Variants in PTPRT observed in about 807,000 individuals in gnomAD.
PTPRT encodes the protein protein tyrosine phosphatase receptor type T, also known as receptor-type tyrosine-protein phosphatase T.
PTPRT carries 56 observed loss-of-function variants against 176.8 expected under a neutral mutation model. That is an observed-to-expected ratio of 0.32 (90% CI 0.26 to 0.40). The LOEUF (loss-of-function observed/expected upper bound fraction) is 0.40, where lower values mean the gene tolerates loss of function less well. Among genes scored for constraint, PTPRT ranks in the 10% least tolerant of loss-of-function variants. The probability of loss-of-function intolerance (pLI) is 1.00; values close to 1 mark genes in which losing one functional copy is unlikely to be tolerated. For synonymous variants in PTPRT, 783 were observed against 739.0 expected (o/e 1.06, Z -0.96); for missense variants, 1,540 against 1,908.2 (o/e 0.81, Z 3.60).
intron 13 of PTPRT, among the ~76,000 whole-genome samples, chr20:42,253,349 A>G (rs1229470610): frequency 6.6e-6 from 1 of 152,182 alleles, no homozygotes; most frequent in African/African-American, 2.4e-5. Flanking sequence ...CAGTGGCCCC[A>G]AAATCGAAAG....
At chr20:42,852,392 G>T (rs2078489276) in intron 2 of PTPRT, among the ~76,000 whole-genome samples, 2 of 152,042 alleles carry the variant, frequency 1.3e-5, no homozygotes, top group African/African-American at 2.4e-5. Context: ...GTCCTGTTAT[G>T]ATTGGGTTTT....
intron 2 of PTPRT, among the ~76,000 whole-genome samples, chr20:42,813,724 G>T (rs1046978674): frequency 6.6e-6 from 1 of 152,140 alleles, no homozygotes; most frequent in Non-Finnish European, 1.5e-5. Context: ...CAGTGAGAAG[G>T]AAGGAGAGAG....
intron 9 of PTPRT, among the ~76,000 whole-genome samples, chr20:42,425,679 T>C (rs186312115): frequency 3.3e-5 from 5 of 152,362 alleles, no homozygotes; most frequent in Admixed American, 1.3e-4. Context: ...ATTAGATTGA[T>C]TGTGGTAATC....
At chr20:42,821,822 G>C (rs533959462) in intron 2 of PTPRT, among the ~76,000 whole-genome samples, 1 of 152,078 alleles carries the variant, frequency 6.6e-6, no homozygotes, top group Non-Finnish European at 1.5e-5. Flanking sequence ...TTGCTACAAA[G>C]ATAATAAAAC....
At chr20:42,511,145 CCT>C (rs2071948076) in intron 7 of PTPRT, among the ~76,000 whole-genome samples, 1 of 152,094 alleles carries the variant, frequency 6.6e-6, no homozygotes, top group Non-Finnish European at 1.5e-5. Flanking sequence ...CTAAAGGAGT[CCT>C]CACCAATAAG....
Position 42,783,517 on chromosome 20 carries a change from A to G in PTPRT, c.487-3218T>C, listed in dbSNP as rs902113089. ...ACTGAGTATGATCAAAAGGTGCCCC[A>G]GAAGACACCTACAACCTTGGAGGGA... On this transcript the variant is annotated intron_variant, in intron 3 of 30. Transcript: ENST00000373187. Among the ~76,000 whole-genome samples the G allele has an allele frequency of 9.8e-5, 15 of 152,330 alleles. 2 individuals are homozygous for G. Among genetic ancestry groups the G allele is most frequent in the Admixed American group, 8.5e-4 (13 of 15,310 alleles).
chr20:42,292,167 C>A (rs568172665), intron 12 of PTPRT, among the ~76,000 whole-genome samples: 1 of 152,098 alleles, frequency 6.6e-6, no homozygotes, highest in Non-Finnish European at 1.5e-5. Context: ...GTATTGACAG[C>A]GTTGGGTCCT....
intron 1 of PTPRT, among the ~76,000 whole-genome samples, chr20:42,904,543 C>A (rs958812453): frequency 6.6e-6 from 1 of 152,128 alleles, no homozygotes; most frequent in South Asian, 2.1e-4. Flanking sequence ...GAGGTGAAAA[C>A]CTTCCACAGA....
intron 1 of PTPRT, among the ~76,000 whole-genome samples, chr20:43,176,854 T>C (rs570507278): frequency 9.8e-5 from 15 of 152,290 alleles, no homozygotes; most frequent in African/African-American, 3.6e-4. Flanking sequence ...GGAAGCTGCA[T>C]AGCAAAAATT....
At chr20:42,979,806 G>A (rs1295775435) in intron 1 of PTPRT, among the ~76,000 whole-genome samples, 1 of 152,068 alleles carries the variant, frequency 6.6e-6, no homozygotes, top group Non-Finnish European at 1.5e-5. Flanking sequence ...GTGAATAACT[G>A]TAGAGTCAGG....
chr20:42,651,683 G>T (rs2075033323), intron 7 of PTPRT, among the ~76,000 whole-genome samples: 1 of 152,090 alleles, frequency 6.6e-6, no homozygotes, highest in Non-Finnish European at 1.5e-5. Flanking sequence ...AAGTTTGGGT[G>T]TGCCACTCAT....
At chr20:42,468,207 C>T (rs561908338) in intron 8 of PTPRT, among the ~76,000 whole-genome samples, 26 of 152,272 alleles carry the variant, frequency 1.7e-4, no homozygotes, top group African/African-American at 5.1e-4. Context: ...TTTTGTGGCA[C>T]GGATGACAGC....
At chr20:42,781,325 C>T (rs572333131) in intron 3 of PTPRT, among the ~76,000 whole-genome samples, 2 of 152,124 alleles carry the variant, frequency 1.3e-5, no homozygotes, top group Non-Finnish European at 2.9e-5. Context: ...AACTGCCGCC[C>T]TTTCAACATG....
chr20:43,120,887 G>A (rs2013234821), intron 1 of PTPRT, among the ~76,000 whole-genome samples: 2 of 152,144 alleles, frequency 1.3e-5, no homozygotes, highest in Admixed American at 6.5e-5. Flanking sequence ...ACAGAAAAAT[G>A]TACAAATCAC....
intron 18 of PTPRT, among the ~76,000 whole-genome samples, chr20:42,129,349 C>T (rs1988017843): frequency 6.6e-6 from 1 of 152,120 alleles, no homozygotes. Context: ...GTGAGGCTGA[C>T]TAAATCATTA....
At chr20:42,584,201 A>C (rs1379815591) in intron 7 of PTPRT, among the ~76,000 whole-genome samples, 1 of 152,210 alleles carries the variant, frequency 6.6e-6, no homozygotes, top group African/African-American at 2.4e-5. Context: ...TGAGATATTA[A>C]ATAAAATGGC....
intron 7 of PTPRT, among the ~76,000 whole-genome samples, chr20:42,601,218 T>A (rs2073775789): frequency 6.6e-6 from 1 of 152,166 alleles, no homozygotes; most frequent in South Asian, 2.1e-4. Flanking sequence ...CCTTTCAGAA[T>A]GAAATTTGAG....
intron 1 of PTPRT, among the ~76,000 whole-genome samples, chr20:42,983,662 G>C (rs2146091186): frequency 6.6e-6 from 1 of 152,296 alleles, no homozygotes; most frequent in Middle Eastern, 3.4e-3. Flanking sequence ...AGGGAGGTGT[G>C]GCCAGAGGCC....
At chr20:43,062,251 T>A (rs375823378) in intron 1 of PTPRT, among the ~76,000 whole-genome samples, 5 of 152,256 alleles carry the variant, frequency 3.3e-5, no homozygotes, top group Non-Finnish European at 7.3e-5. Flanking sequence ...AAAGCTGATA[T>A]GTTTATGCAA....
Sources: gnomAD v4.1 joint callset for allele counts (sites outside exome capture counted in the v4.1 genomes callset) on GRCh38, gnomAD v4.1.1 for gene constraint, MANE v1.5 for transcripts, NCBI Gene and HGNC (gene_info 2026-07-23, HGNC 2026-07-21) for gene names.